Variants in PRMT8 observed in about 807,000 individuals in gnomAD.
PRMT8 encodes the protein protein arginine methyltransferase 8.
A neutral mutation model predicts 47.1 loss-of-function variants in PRMT8; 7 were observed. The observed-to-expected ratio is 0.15, with a 90% CI of 0.08 to 0.28. The LOEUF is 0.28. Ranked by LOEUF, PRMT8 falls within the 10% of genes least tolerant of loss-of-function variation. The probability of loss-of-function intolerance (pLI) is 1.00; values close to 1 mark genes in which losing one functional copy is unlikely to be tolerated. For missense variants in PRMT8, 237 were observed against 505.4 expected, an observed-to-expected ratio of 0.47 and a Z score of 5.09; for synonymous variants, 188 against 186.5, an observed-to-expected ratio of 1.01 and a Z score of -0.07.
At chr12:3,467,766 A>G (rs1335357214) in intron 1 of PRMT8, among the ~76,000 whole-genome samples, 1 of 152,238 alleles carries the variant, frequency 6.6e-6, no homozygotes, top group African/African-American at 2.4e-5. Context: ...AAATCTGATC[A>G]GATCACCAGG....
chr12:3,491,240 G>T lies in PRMT8; in HGVS notation c.-386G>T. On this transcript the variant is annotated 5_prime_UTR_variant, in exon 1 of 10. Coordinates refer to ENST00000382622, the MANE Select transcript of PRMT8 (RefSeq NM_019854.5). The stretch of plus-strand genomic sequence containing the variant: ...GGATCGGCAGAAGTTGAGAGGAGTT[G>T]GCGGCTGCCTCCGGCCGGCCGGACT... 9.8e-7 allele frequency: 1 copy of T among 1,016,374 alleles called. No homozygotes were observed. Among genetic ancestry groups the T allele is most frequent in the South Asian group, 4.3e-5 (1 of 23,086 alleles). The allele number at this position is 1,016,374 out of a possible 1,614,324, so 63.0% of individuals were successfully genotyped here. A position where few individuals can be genotyped will look rare whatever the true frequency, so the allele number is the denominator to read the frequency against.
intron 1 of PRMT8, among the ~76,000 whole-genome samples, chr12:3,474,349 C>T (rs892965569): frequency 3.9e-5 from 6 of 152,184 alleles, no homozygotes; most frequent in Admixed American, 6.5e-5. Flanking sequence ...GCCTGCTTCA[C>T]GAGTGTAAAG....
In PRMT8 at chr12:3,398,080, GCA is replaced by G. The variant is rs1257782599; in HGVS notation, c.48+16640_48+16641del. On this transcript the variant is annotated intron_variant, in intron 1 of 9. Coordinates refer to the PRMT8 transcript ENST00000452611. ...CTGCTTCGGCTCGCGCACGGTGCGC[GCA>G]CCCACTGACCTGCGCCCACTGTCTG... 5.3e-5 allele frequency among the ~76,000 whole-genome samples: 8 copies of G among 152,248 alleles called. No individual in the cohort carries two copies. The East Asian group carries it at 1.2e-3, about 22-fold the overall frequency.
rs1199350509 is a variant in PRMT8 at position 3,491,676 on chromosome 12, G to T, written c.51G>T (p.Ala17=). Residue 17 remains alanine (A), a synonymous_variant, in exon 1 of 10, where the codon GCG becomes GCT. Transcript: ENST00000382622. The part of the protein sequence containing the change: ...SRCLLLRRKM[A]ENAAESTEVN... ...GCCTGCTCCTGAGGAGGAAAATGGC[G>T]GAGAACGCGGCCGAGAGCACCGAGG... 1 of 1,611,516 alleles carries T rather than the reference G, an allele frequency of 6.2e-7. No homozygotes were observed. The highest frequency in any genetic ancestry group is 8.5e-7 in the Non-Finnish European group (1 of 1,179,632).
intron 1 of PRMT8, among the ~76,000 whole-genome samples, chr12:3,381,744 C>T (rs1173053953): frequency 6.6e-6 from 1 of 152,166 alleles, no homozygotes; most frequent in Non-Finnish European, 1.5e-5. Flanking sequence ...CCAGTTTTCC[C>T]TCACCTTGCA....
Position 3,491,251 on chromosome 12 carries a change from C to A in PRMT8, c.-375C>A. 9.8e-7 allele frequency: 1 copy of A among 1,024,396 alleles called. No homozygotes were observed. Among genetic ancestry groups the A allele is most frequent in the Non-Finnish European group, 1.2e-6 (1 of 855,400 alleles). The allele number at this position is 1,024,396 out of a possible 1,614,324, so 63.5% of individuals were successfully genotyped here. On this transcript the variant is annotated 5_prime_UTR_variant, in exon 1 of 10. Transcript: ENST00000382622. ...AGTTGAGAGGAGTTGGCGGCTGCCT[C>A]CGGCCGGCCGGACTTTGCGAGCAGC...
chr12:3,532,577 A>T (rs1442212631), intron 1 of PRMT8, among the ~76,000 whole-genome samples: 2 of 122,250 alleles, frequency 1.6e-5, no homozygotes, highest in African/African-American at 3.2e-5. Flanking sequence ...ACGCCACTGC[A>T]CTCCAGCCTG....
At chr12:3,428,573 C>A (rs1019813467) in intron 1 of PRMT8, among the ~76,000 whole-genome samples, 1 of 152,100 alleles carries the variant, frequency 6.6e-6, no homozygotes, top group African/African-American at 2.4e-5. Flanking sequence ...GTTATAGGGT[C>A]ACGGAGAAGA....
At chr12:3,423,714 G>T (rs1484698021) in intron 1 of PRMT8, among the ~76,000 whole-genome samples, 1 of 152,134 alleles carries the variant, frequency 6.6e-6, no homozygotes, top group Non-Finnish European at 1.5e-5. Flanking sequence ...ACTCTGGGTG[G>T]GTCCACACGG....
chr12:3,508,938 G>A lies in PRMT8; in HGVS notation c.75+17238G>A, dbSNP rs1197079650. Among the ~76,000 whole-genome samples, 3 of 152,110 alleles carry A rather than the reference G, an allele frequency of 2.0e-5. No homozygotes were observed. Among genetic ancestry groups the A allele is most frequent in the Non-Finnish European group, 4.4e-5 (3 of 68,034 alleles). ...CTCTCCTTTCTCCATAACAAGACCT[G>A]GCGATTCTACATCTGAAATGTTTCT... On this transcript the variant is annotated intron_variant, in intron 1 of 9. Coordinates refer to ENST00000382622, the MANE Select transcript of PRMT8 (RefSeq NM_019854.5). The surrounding 1 kb of genome is among the most constrained non-coding windows in gnomAD (Gnocchi z 4.9).
In PRMT8 at chr12:3,409,233, A is replaced by G. The variant is rs1384007492; in HGVS notation, c.48+27791A>G. Among the ~76,000 whole-genome samples, 1 of 152,066 alleles carries G rather than the reference A, an allele frequency of 6.6e-6. No individual in the cohort carries two copies. Among genetic ancestry groups the G allele is most frequent in the East Asian group, 1.9e-4 (1 of 5,172 alleles). ...CTCAGGCCCTGCTGGATTTTTAACT[A>G]TGACCCTGACTCTGGGGTGCAGGGC... On this transcript the variant is annotated intron_variant, in intron 1 of 9. Transcript: ENST00000452611. The surrounding 1 kb of genome is among the most constrained non-coding windows in gnomAD (Gnocchi z 4.4).
At chr12:3,499,313 A>G (rs1224155878) in intron 1 of PRMT8, among the ~76,000 whole-genome samples, 1 of 106,978 alleles carries the variant, frequency 9.3e-6, no homozygotes, top group Non-Finnish European at 1.8e-5. Flanking sequence ...GTCATCTAGC[A>G]TTAGGTATAT....
Position 3,564,377 on chromosome 12 carries a change from G to A in PRMT8, c.482-4329G>A, listed in dbSNP as rs150739973. Among the ~76,000 whole-genome samples the A allele has an allele frequency of 1.3e-5, 2 of 152,140 alleles. No individual in the cohort carries two copies. The highest frequency in any genetic ancestry group is 4.8e-5 in the African/African-American group (2 of 41,428). Reference sequence around the variant, plus strand: ...ATGGATGCACTGGAGGCTCAAATGAGGTTGAGCTGGCCTGATTTGTTTAAA... The same window carrying A: ...ATGGATGCACTGGAGGCTCAAATGAAGTTGAGCTGGCCTGATTTGTTTAAA... On this transcript the variant is annotated intron_variant, in intron 4 of 9. Transcript: ENST00000382622. This position sits in a 1 kb window ranked among gnomAD's most constrained non-coding sequence, Gnocchi z 4.0.
intron 1 of PRMT8, among the ~76,000 whole-genome samples, chr12:3,397,269 TGGA>T (rs1864260685): frequency 6.6e-6 from 1 of 152,088 alleles, no homozygotes; most frequent in East Asian, 1.9e-4. Context: ...TGCGTTCCTT[TGGA>T]GGAGGAGAGG....
intron 1 of PRMT8, among the ~76,000 whole-genome samples, chr12:3,532,502 C>T (rs898444807): frequency 4.8e-5 from 7 of 144,396 alleles, no homozygotes; most frequent in Non-Finnish European, 9.0e-5. Context: ...GTCCCAGCTA[C>T]TTGGGAGGCT....
Position 3,456,112 on chromosome 12 carries a change from T to C in PRMT8, c.48+74670T>C, listed in dbSNP as rs1864970623. Among the ~76,000 whole-genome samples the C allele has an allele frequency of 1.3e-5, 2 of 152,190 alleles. No homozygotes were observed. Among genetic ancestry groups the C allele is most frequent in the Non-Finnish European group, 2.9e-5 (2 of 68,034 alleles). On this transcript the variant is annotated intron_variant, in intron 1 of 9. Coordinates refer to the PRMT8 transcript ENST00000452611. The surrounding 1 kb of genome is among the most constrained non-coding windows in gnomAD (Gnocchi z 4.2). ...ACAAATACAAACTATTTAGCCCAAC[T>C]CCTGGCCATGAGCTAGGTGCTAAGA...
At chr12:3,451,144 C>T (rs553126868) in intron 1 of PRMT8, among the ~76,000 whole-genome samples, 13 of 142,660 alleles carry the variant, frequency 9.1e-5, no homozygotes, top group African/African-American at 3.4e-4. Context: ...ACTAAAACTG[C>T]CACAAGAGTT....
At chr12:3,494,025 G>C (rs1865466636) in intron 1 of PRMT8, among the ~76,000 whole-genome samples, 1 of 152,316 alleles carries the variant, frequency 6.6e-6, no homozygotes, top group East Asian at 1.9e-4. Context: ...TTTGGAATAA[G>C]CCAGGACTAG....
chr12:3,492,195 C>T lies in PRMT8; in HGVS notation c.75+495C>T, dbSNP rs1484916103. On this transcript the variant is annotated intron_variant, in intron 1 of 9. Transcript: ENST00000382622. This position sits in a 1 kb window ranked among gnomAD's most constrained non-coding sequence, Gnocchi z 7.5. ...TCAAGCTCGAGTCGGTTCCCGAGCT[C>T]TCCGTCCCCGCAGCCGCGCGGAGAG... Among the ~76,000 whole-genome samples, 1 of 152,054 alleles carries T rather than the reference C, an allele frequency of 6.6e-6. No homozygotes were observed. Among genetic ancestry groups the T allele is most frequent in the African/African-American group, 2.4e-5 (1 of 41,406 alleles).
Sources: gnomAD v4.1 joint callset for allele counts (sites outside exome capture counted in the v4.1 genomes callset) on GRCh38, gnomAD v4.1.1 for gene constraint, Gnocchi (gnomAD v3.1) non-coding constraint, MANE v1.5 for transcripts, NCBI Gene and HGNC (gene_info 2026-07-23, HGNC 2026-07-21) for gene names.